The following EYS variants were observed in gnomAD, a reference collection of about 807,000 sequenced individuals.
EYS encodes EGF-like photoreceptor maintenance factor.
Under a neutral mutation model 282.1 loss-of-function variants are expected in EYS, and 250 were observed. The observed-to-expected ratio is 0.89, with a 90% CI of 0.80 to 0.98. The LOEUF (loss-of-function observed/expected upper bound fraction) is 0.98. Ranked by LOEUF, EYS falls within the 50% of genes least tolerant of loss-of-function variation. The pLI, the probability that EYS is intolerant of heterozygous loss-of-function variation, is 0.00. For missense variants in EYS, 4,016 were observed against 3,709.0 expected (o/e 1.08, Z -2.15); for synonymous variants, 1,355 against 1,282.9 (o/e 1.06, Z -1.20).
chr6:65,066,833 T>A (rs1773759602), intron 12 of EYS, among the ~76,000 whole-genome samples: 1 of 152,166 alleles, frequency 6.6e-6, no homozygotes. Context: ...ATACTAATGA[T>A]ATACTGTGCA....
chr6:64,519,992 T>C (rs952763728), intron 26 of EYS, among the ~76,000 whole-genome samples: 3 of 151,808 alleles, frequency 2.0e-5, no homozygotes, highest in Non-Finnish European at 2.9e-5. Flanking sequence ...AAACCGTACT[T>C]CTACCAGAAG....
At chr6:65,067,207 T>C (rs546851157) in intron 12 of EYS, among the ~76,000 whole-genome samples, 1 of 152,230 alleles carries the variant, frequency 6.6e-6, no homozygotes, top group South Asian at 2.1e-4. Context: ...ATTTCCAAAC[T>C]AACTCAAAGT....
rs146180935 is a variant in EYS, at chr6:64,236,253, G to A, written c.6192-5429C>T. Among the ~76,000 whole-genome samples, 1,310 of 152,274 alleles carry A rather than the reference G, an allele frequency of 8.6e-3. 27 individuals are homozygous for A. Among genetic ancestry groups the A allele is most frequent in the African/African-American group, 0.029 (1,201 of 41,536 alleles). On this transcript the variant is annotated intron_variant, in intron 30 of 42. Transcript: ENST00000503581. ...CTCCCAAAGGGCTGGGATTACGGGC[G>A]TGAGCAACCGTACCTGGCCCCTTTA...
At chr6:64,216,015 T>G (rs908776080) in intron 31 of EYS, among the ~76,000 whole-genome samples, 1 of 152,168 alleles carries the variant, frequency 6.6e-6, no homozygotes, top group Non-Finnish European at 1.5e-5. Context: ...TGTTGGAGAA[T>G]TAAAATGCAC....
chr6:65,632,166 G>A (rs901778144), intron 2 of EYS, among the ~76,000 whole-genome samples: 1 of 152,204 alleles, frequency 6.6e-6, no homozygotes, highest in East Asian at 1.9e-4. Flanking sequence ...GGCAAAATGA[G>A]CTCATGAGGA....
intron 18 of EYS, among the ~76,000 whole-genome samples, chr6:64,893,409 G>GT (rs967923163): frequency 6.6e-6 from 1 of 151,928 alleles, no homozygotes; most frequent in Non-Finnish European, 1.5e-5. Context: ...TTTTTAATAC[G>GT]TTTTTTGTTT....
chr6:65,382,415 C>A lies in EYS; in HGVS notation c.1299+1971G>T, dbSNP rs763583552. On this transcript the variant is annotated intron_variant, in intron 8 of 42. Coordinates refer to ENST00000503581, the MANE Select transcript of EYS (RefSeq NM_001142800.2). ...TCTTAGTGTTTCTGAGGGAATTCAA[C>A]AGAAATTTCCCCGTGGATCTATCTT... is the stretch of plus-strand genomic sequence containing the variant. 3.0e-4 allele frequency among the ~76,000 whole-genome samples: 41 copies of A among 136,248 alleles called. 1 individual carries two copies. The highest frequency in any genetic ancestry group is 1.9e-4 in the Non-Finnish European group (12 of 62,124). 89.4% of individuals were successfully genotyped at this position (136,248 alleles called of 152,430 possible). A position where few individuals can be genotyped will look rare whatever the true frequency, so the allele number is the denominator to read the frequency against.
chr6:64,783,663 C>T (rs1193983837), intron 22 of EYS, among the ~76,000 whole-genome samples: 2 of 151,936 alleles, frequency 1.3e-5, no homozygotes, highest in African/African-American at 4.8e-5. Flanking sequence ...AATGGCTATA[C>T]CATTTAAAAA....
chr6:64,842,201 A>T (rs181680194), intron 19 of EYS, among the ~76,000 whole-genome samples: 2 of 151,804 alleles, frequency 1.3e-5, no homozygotes, highest in Non-Finnish European at 2.9e-5. Context: ...CAGAATTTAC[A>T]TAAGGTCTGG....
At chr6:65,073,769 G>A (rs12215944) in intron 12 of EYS, among the ~76,000 whole-genome samples, 6,981 of 152,046 alleles carry the variant, frequency 0.046, 217 homozygotes, top group Middle Eastern at 0.068. Flanking sequence ...GATGTTAAGT[G>A]TAAGATTATA....
At chr6:64,661,640 C>A in intron 22 of EYS, among the ~76,000 whole-genome samples, 1 of 150,374 alleles carries the variant, frequency 6.7e-6, no homozygotes, top group African/African-American at 2.5e-5. Context: ...AAATGCTCAT[C>A]ATCACTGGCC....
chr6:64,939,698 A>G (rs972201288), intron 15 of EYS, among the ~76,000 whole-genome samples: 2 of 151,900 alleles, frequency 1.3e-5, no homozygotes, highest in Non-Finnish European at 2.9e-5. Flanking sequence ...ACACACGTGT[A>G]TTTAACTCAT....
At chr6:65,575,674 T>A (rs1255638359) in intron 2 of EYS, among the ~76,000 whole-genome samples, 2 of 151,300 alleles carry the variant, frequency 1.3e-5, no homozygotes, top group African/African-American at 4.9e-5. Context: ...TCTTTTAAAC[T>A]AAACAAAATT....
chr6:65,167,886 G>GT (rs1419128891), intron 12 of EYS, among the ~76,000 whole-genome samples: 4 of 150,828 alleles, frequency 2.7e-5, no homozygotes, highest in African/African-American at 9.7e-5. Flanking sequence ...TTTTAGCTGT[G>GT]TTTTTTTGGT....
At chr6:63,932,993 C>A (rs1764943674) in intron 35 of EYS, among the ~76,000 whole-genome samples, 2 of 152,212 alleles carry the variant, frequency 1.3e-5, no homozygotes, top group Admixed American at 1.3e-4. Flanking sequence ...GAGTGGCTTA[C>A]AGAACTTGGA....
intron 29 of EYS, among the ~76,000 whole-genome samples, chr6:64,374,907 C>T (rs1050611378): frequency 3.3e-5 from 5 of 152,116 alleles, no homozygotes; most frequent in Admixed American, 6.5e-5. Context: ...TGCTGAGACA[C>T]GTAAATGAAA....
chr6:64,066,920 G>T (rs1452518710), intron 32 of EYS, among the ~76,000 whole-genome samples: 1 of 151,802 alleles, frequency 6.6e-6, no homozygotes, highest in African/African-American at 2.4e-5. Context: ...TTTTATTTTT[G>T]ATTTCTAATT....
chr6:64,619,638 T>C (rs1209255324), intron 23 of EYS, among the ~76,000 whole-genome samples: 1 of 152,062 alleles, frequency 6.6e-6, no homozygotes, highest in African/African-American at 2.4e-5. Context: ...GTTACATTTG[T>C]TTTGTTTTGT....
At chr6:64,303,194 T>C (rs1333685013) in intron 30 of EYS, among the ~76,000 whole-genome samples, 1 of 152,162 alleles carries the variant, frequency 6.6e-6, no homozygotes, top group Non-Finnish European at 1.5e-5. Context: ...GCTTCTAACA[T>C]TGCAACTGCT....
Sources: allele counts gnomAD v4.1 joint callset (sites outside exome capture counted in the v4.1 genomes callset), GRCh38; gene constraint gnomAD v4.1.1; transcripts MANE v1.5; gene names NCBI Gene and HGNC (gene_info 2026-07-23, HGNC 2026-07-21).